The following CEP192 variants were observed in gnomAD, a reference collection of about 807,000 sequenced individuals.
The protein encoded by CEP192 is centrosomal protein of 192 kDa.
CEP192 carries 151 observed loss-of-function variants against 271.8 expected under a neutral mutation model. That is an observed-to-expected ratio of 0.56 (90% CI 0.49 to 0.64). CEP192 has a LOEUF of 0.64. Ranked by LOEUF, CEP192 falls within the 30% of genes least tolerant of loss-of-function variation. CEP192 has a pLI of 0.00. For synonymous variants in CEP192, 995 were observed against 1,076.5 expected, an observed-to-expected ratio of 0.92 and a Z score of 1.48; for missense variants, 2,910 against 3,020.5, an observed-to-expected ratio of 0.96 and a Z score of 0.86.
At chr18:13,064,918 A>G (rs1379755354) in intron 21 of CEP192, among the ~76,000 whole-genome samples, 1 of 152,080 alleles carries the variant, frequency 6.6e-6, no homozygotes, top group Non-Finnish European at 1.5e-5. Flanking sequence ...TAAACATGGA[A>G]TGTTTTTCTA....
At chr18:13,093,568 G>A (rs1345179446) in intron 34 of CEP192, among the ~76,000 whole-genome samples, 1 of 152,166 alleles carries the variant, frequency 6.6e-6, no homozygotes, top group Non-Finnish European at 1.5e-5. Context: ...GAGAAGTCTG[G>A]GACTGGCAGT....
intron 3 of CEP192, among the ~76,000 whole-genome samples, chr18:13,004,429 G>T (rs2033854505): frequency 6.6e-6 from 1 of 152,166 alleles, no homozygotes; most frequent in African/African-American, 2.4e-5. Context: ...GTCAGTAAGA[G>T]AGGGTAGGCC....
At chr18:13,039,475 A>G (rs2036088761) in intron 13 of CEP192, among the ~76,000 whole-genome samples, 2 of 146,674 alleles carry the variant, frequency 1.4e-5, no homozygotes, top group Non-Finnish European at 3.0e-5. Context: ...AAAAAAAGTG[A>G]TTTTTTTCTT....
chr18:13,120,431 A>G (rs1392621638), intron 44 of CEP192, among the ~76,000 whole-genome samples: 3 of 152,226 alleles, frequency 2.0e-5, no homozygotes, highest in African/African-American at 7.2e-5. Flanking sequence ...CCAGTGCTTG[A>G]AATTAAGAGT....
At chr18:13,064,401 A>G (rs908569920) in intron 21 of CEP192, among the ~76,000 whole-genome samples, 1 of 151,874 alleles carries the variant, frequency 6.6e-6, no homozygotes, top group Non-Finnish European at 1.5e-5. Context: ...TCACGAGGTC[A>G]GGAGATTGAG....
chr18:13,057,773 A>G, intron 20 of CEP192, 40 bp downstream of exon 20: 1 of 1,593,944 alleles, frequency 6.3e-7, no homozygotes, highest in South Asian at 1.1e-5. Context: ...TAACAGTTGC[A>G]TTGTGATTAG....
At chr18:12,999,261 G>A (rs1404266952) in intron 1 of CEP192, among the ~76,000 whole-genome samples, 160 bp from the exon 2 acceptor site, 1 of 152,122 alleles carries the variant, frequency 6.6e-6, no homozygotes, top group Non-Finnish European at 1.5e-5. Context: ...AGTATTCTGA[G>A]ATTTATTTTA....
intron 38 of CEP192, 74 bp from the exon 39 acceptor site, chr18:13,103,430 GGTAGT>G: frequency 9.4e-7 from 1 of 1,066,914 alleles, no homozygotes; most frequent in Non-Finnish European, 1.5e-6. Context: ...CCCAGTATGA[GGTAGT>G]TAGGCCTGTC....
intron 19 of CEP192, among the ~76,000 whole-genome samples, chr18:13,057,257 GT>G (rs67570900): frequency 1.4e-5 from 2 of 147,922 alleles, no homozygotes; most frequent in Admixed American, 6.7e-5. Context: ...TTTTTTGTTT[GT>G]TTTTTTTTTT....
intron 9 of CEP192, among the ~76,000 whole-genome samples, chr18:13,024,972 A>G (rs2035209768): frequency 6.7e-6 from 1 of 149,956 alleles, no homozygotes; most frequent in African/African-American, 2.5e-5. Flanking sequence ...GAGTTTCACC[A>G]CGTTGGCCAG....
intron 43 of CEP192, 59 bp from the exon 44 acceptor site, chr18:13,117,524 TTA>T: frequency 4.1e-6 from 5 of 1,227,886 alleles, no homozygotes; most frequent in Non-Finnish European, 6.0e-6. Flanking sequence ...CTTGGTATGC[TTA>T]TATATGCTAA....
intron 15 of CEP192, among the ~76,000 whole-genome samples, 164 bp downstream of exon 15, chr18:13,042,498 G>A (rs1278818627): frequency 2.0e-5 from 3 of 152,056 alleles, no homozygotes; most frequent in African/African-American, 7.2e-5. Context: ...TTAAGTTTTT[G>A]TGGCGATATA....
chr18:13,029,706 T>C lies in CEP192; in HGVS notation c.1094T>C (p.Ile365Thr), dbSNP rs897499857. The C allele has an allele frequency of 3.2e-6, 5 of 1,550,654 alleles. No individual in the cohort carries two copies. The highest frequency in any genetic ancestry group is 2.7e-5 in the African/African-American group (2 of 73,048). ...KDVLVKTLRA[I>T]DVKLNSDNFH... ...GTTCTGGTGAAGACCCTCAGGGCTA[T>C]TGATGTGAAACTTAACTCTGATAAT... Residue 365 changes from isoleucine to threonine, a missense_variant, in exon 10 of 45, where the codon ATT becomes ACT. Physicochemically the swap from Ile to Thr is moderately conservative, Grantham distance 89 (BLOSUM62 -1). Transcript: ENST00000506447.
At chr18:12,996,828 G>A (rs1057171892) in intron 1 of CEP192, among the ~76,000 whole-genome samples, 2 of 152,300 alleles carry the variant, frequency 1.3e-5, no homozygotes, top group African/African-American at 4.8e-5. Flanking sequence ...CTTGGCAACA[G>A]GGAGATCAGG....
chr18:13,041,895 T>C (rs1279138128), intron 14 of CEP192, among the ~76,000 whole-genome samples: 3 of 152,174 alleles, frequency 2.0e-5, no homozygotes, highest in African/African-American at 7.2e-5. Context: ...ATTCAACTTA[T>C]TGTATGTTTG....
At chr18:13,062,313 A>T (rs745513887) in intron 21 of CEP192, among the ~76,000 whole-genome samples, 32 of 152,218 alleles carry the variant, frequency 2.1e-4, no homozygotes, top group Non-Finnish European at 4.1e-4. Context: ...GTGAGAGAGC[A>T]TTCAGGAATT....
chr18:13,074,303 A>G lies in CEP192; in HGVS notation c.5616+1118A>G, dbSNP rs564323434. 3.9e-5 allele frequency among the ~76,000 whole-genome samples: 6 copies of G among 152,318 alleles called. 1 individual carries two copies. In the South Asian group the frequency reaches 1.2e-3, roughly 32 times the overall value. The stretch of plus-strand genomic sequence containing the variant: ...ATTGGCCCCATGAGATGGGGTGGGC[A>G]AAGCTGTTTAAAGATGTTAGTGGTC... On this transcript the variant is annotated intron_variant, in intron 30 of 44. Transcript: ENST00000506447.
chr18:13,024,041 G>A (rs1220532503), intron 9 of CEP192, among the ~76,000 whole-genome samples: 1 of 152,120 alleles, frequency 6.6e-6, no homozygotes, highest in Non-Finnish European at 1.5e-5. Context: ...CAACTGTGTT[G>A]TTATTGAATT....
intron 27 of CEP192, among the ~76,000 whole-genome samples, chr18:13,070,653 T>C (rs2037963973): frequency 6.6e-6 from 1 of 152,224 alleles, no homozygotes; most frequent in African/African-American, 2.4e-5. Flanking sequence ...GCCTGGGTTA[T>C]AGAACACTTT....
Sources: gnomAD v4.1 joint callset for allele counts (sites outside exome capture counted in the v4.1 genomes callset) on GRCh38, gnomAD v4.1.1 for gene constraint, MANE v1.5 for transcripts, NCBI Gene and HGNC (gene_info 2026-07-23, HGNC 2026-07-21) for gene names.